Variants in TBC1D5 observed in about 807,000 individuals in gnomAD.
TBC1D5 encodes the protein TBC1 domain family member 5, also known as TBC1 domain family, member 5.
A neutral mutation model predicts 100.3 loss-of-function variants in TBC1D5; 75 were observed. That is an observed-to-expected ratio of 0.75 (90% CI 0.62 to 0.91). The LOEUF is 0.91. Among genes scored for constraint, TBC1D5 ranks in the 40% least tolerant of loss-of-function variants. TBC1D5 has a pLI of 0.00. For missense variants in TBC1D5, 910 were observed against 942.4 expected, an observed-to-expected ratio of 0.97 and a Z score of 0.45; for synonymous variants, 323 against 325.6, an observed-to-expected ratio of 0.99 and a Z score of 0.09.
intron 13 of TBC1D5, among the ~76,000 whole-genome samples, chr3:17,347,849 A>C (rs886807835): frequency 6.6e-6 from 1 of 152,126 alleles, no homozygotes; most frequent in Non-Finnish European, 1.5e-5. Flanking sequence ...ACAACAACAA[A>C]AAAATTAGTC....
At chr3:17,418,468 C>T (rs1222567210) in intron 4 of TBC1D5, among the ~76,000 whole-genome samples, 17 of 151,890 alleles carry the variant, frequency 1.1e-4, no homozygotes. Flanking sequence ...ATTAGATGAG[C>T]ACAGTGGTGC....
At chr3:17,334,180 T>C (rs571450856) in intron 13 of TBC1D5, among the ~76,000 whole-genome samples, 1 of 151,782 alleles carries the variant, frequency 6.6e-6, no homozygotes, top group Non-Finnish European at 1.5e-5. Context: ...TGAGAGTGAG[T>C]AGCTTGAGGT....
At chr3:17,455,450 ATG>A (rs1186653277) in intron 3 of TBC1D5, among the ~76,000 whole-genome samples, 6 of 141,364 alleles carry the variant, frequency 4.2e-5, no homozygotes, top group Admixed American at 7.0e-5. Context: ...GTATATATAT[ATG>A]TGTGTGTATA....
chr3:17,410,601 G>C (rs950343854), intron 4 of TBC1D5, among the ~76,000 whole-genome samples: 10 of 152,136 alleles, frequency 6.6e-5, no homozygotes, highest in Non-Finnish European at 1.2e-4. Context: ...ATTCGTGGTG[G>C]AAAGTCAGAA....
At chr3:17,345,205 A>C (rs2089681883) in intron 13 of TBC1D5, among the ~76,000 whole-genome samples, 1 of 152,138 alleles carries the variant, frequency 6.6e-6, no homozygotes, top group Non-Finnish European at 1.5e-5. Context: ...TCTACAATGA[A>C]CTCAAACAAA....
At chr3:17,724,156 T>G (rs537610095) in intron 1 of TBC1D5, among the ~76,000 whole-genome samples, 16 of 150,774 alleles carry the variant, frequency 1.1e-4, no homozygotes, top group Middle Eastern at 3.4e-3. Flanking sequence ...CACAACTCAC[T>G]GCAGCCTCAC....
intron 2 of TBC1D5, among the ~76,000 whole-genome samples, chr3:17,538,223 A>G (rs544015213): frequency 3.9e-5 from 6 of 152,148 alleles, no homozygotes; most frequent in African/African-American, 1.2e-4. Context: ...CTCTAAAATG[A>G]TAAGTGGTCA....
In TBC1D5 at chr3:17,419,981, C is replaced by T. The variant is rs371402478; in HGVS notation, c.167+8469G>A. On this transcript the variant is annotated intron_variant, in intron 4 of 21. Coordinates refer to ENST00000253692, the Ensembl canonical transcript of TBC1D5. Reference sequence around the variant, plus strand: ...TTGGGATTACTGGTCTAAGTCCCTGCACCTGGCCTTCCCCTAGTTCTTGAT... The same window carrying T: ...TTGGGATTACTGGTCTAAGTCCCTGTACCTGGCCTTCCCCTAGTTCTTGAT... Among the ~76,000 whole-genome samples, 93 of 152,274 alleles carry T rather than the reference C, an allele frequency of 6.1e-4. 1 individual carries two copies. In the South Asian group the frequency reaches 0.018, roughly 29 times the overall value.
chr3:17,680,701 G>A (rs1027141883), intron 1 of TBC1D5, among the ~76,000 whole-genome samples: 2 of 151,250 alleles, frequency 1.3e-5, no homozygotes, highest in Admixed American at 1.3e-4. Context: ...AACAATATCA[G>A]TACTAAGATG....
intron 3 of TBC1D5, among the ~76,000 whole-genome samples, chr3:17,444,624 T>C (rs552329662): frequency 6.6e-6 from 1 of 152,170 alleles, no homozygotes; most frequent in Non-Finnish European, 1.5e-5. Flanking sequence ...GATCAAAAAG[T>C]ATTAACAAAA....
chr3:17,398,725 C>A (rs1386612113), intron 8 of TBC1D5, among the ~76,000 whole-genome samples: 1 of 141,854 alleles, frequency 7.0e-6, no homozygotes, highest in African/African-American at 2.8e-5. Context: ...CTTAATGACA[C>A]CAATAATCCT....
At chr3:17,296,555 TAA>T (rs981961412) in intron 14 of TBC1D5, among the ~76,000 whole-genome samples, 2 of 152,096 alleles carry the variant, frequency 1.3e-5, no homozygotes, top group Admixed American at 6.5e-5. Context: ...GTACAAAACA[TAA>T]ATAGAAACAA....
intron 2 of TBC1D5, among the ~76,000 whole-genome samples, chr3:17,571,269 T>C (rs1435850069): frequency 2.0e-5 from 3 of 152,138 alleles, no homozygotes; most frequent in South Asian, 2.1e-4. Context: ...CTTTGTACTT[T>C]GTCATGGTAT....
intron 18 of TBC1D5, 56 bp downstream of exon 19, chr3:17,214,151 C>A: frequency 6.5e-7 from 1 of 1,541,750 alleles, no homozygotes; most frequent in Non-Finnish European, 8.7e-7. Flanking sequence ...TTCATAAATG[C>A]AGCACTCTAG....
At chr3:17,733,337 A>C (rs1376679067) in intron 1 of TBC1D5, among the ~76,000 whole-genome samples, 1 of 152,188 alleles carries the variant, frequency 6.6e-6, no homozygotes, top group African/African-American at 2.4e-5. Flanking sequence ...TTGATGAGTA[A>C]ACTCACCATA....
chr3:17,700,440 C>T (rs1174425362), intron 1 of TBC1D5, among the ~76,000 whole-genome samples: 1 of 152,190 alleles, frequency 6.6e-6, no homozygotes, highest in African/African-American at 2.4e-5. Context: ...ATGTCCAAAA[C>T]ACCAAAAGCA....
intron 13 of TBC1D5, among the ~76,000 whole-genome samples, chr3:17,324,771 T>C (rs1039045883): frequency 6.6e-6 from 1 of 152,116 alleles, no homozygotes; most frequent in Admixed American, 6.5e-5. Context: ...AATGCCCCCA[T>C]TTTAAAAAAT....
intron 1 of TBC1D5, among the ~76,000 whole-genome samples, chr3:17,730,026 G>A (rs1048770342): frequency 4.6e-5 from 7 of 151,880 alleles, no homozygotes; most frequent in South Asian, 2.1e-4. Context: ...CAGGAGAATC[G>A]CTTGAACCAG....
intron 17 of TBC1D5, among the ~76,000 whole-genome samples, chr3:17,214,639 TAA>T (rs202019351): frequency 1.5e-5 from 2 of 133,374 alleles, no homozygotes; most frequent in African/African-American, 2.7e-5. Flanking sequence ...TAAAAAGAAC[TAA>T]AAAAAAAAAA....
Sources: gnomAD v4.1 joint callset for allele counts (sites outside exome capture counted in the v4.1 genomes callset) on GRCh38, gnomAD v4.1.1 for gene constraint, MANE v1.5 for transcripts, NCBI Gene and HGNC (gene_info 2026-07-23, HGNC 2026-07-21) for gene names.